SYNCRIP: variants seen among roughly 807,000 people sequenced by gnomAD.
SYNCRIP encodes heterogeneous nuclear ribonucleoprotein Q.
In SYNCRIP, 9 loss-of-function variants were observed where a neutral mutation model predicts 68.9. The ratio of observed to expected loss-of-function variants is 0.13; its 90% CI spans 0.08 to 0.23. The LOEUF (loss-of-function observed/expected upper bound fraction) is 0.23. SYNCRIP is among the 10% of genes least tolerant of loss of function. SYNCRIP has a pLI of 1.00. For missense variants in SYNCRIP, 414 were observed against 770.6 expected (o/e 0.54, Z 5.48); for synonymous variants, 258 against 254.0 (o/e 1.02, Z -0.15).
At chr6:85,617,160 G>C (rs542185167) in intron 10 of SYNCRIP, among the ~76,000 whole-genome samples, 14 of 148,552 alleles carry the variant, frequency 9.4e-5, no homozygotes, top group African/African-American at 2.7e-4. Flanking sequence ...CAGGAATACA[G>C]TGAGAATTAT....
At chr6:85,641,689 T>G (rs1416085946) in intron 1 of SYNCRIP, among the ~76,000 whole-genome samples, 1 of 151,996 alleles carries the variant, frequency 6.6e-6, no homozygotes, top group East Asian at 1.9e-4. Context: ...TAACACTCCC[T>G]AGGAAAAACC....
intron 1 of SYNCRIP, among the ~76,000 whole-genome samples, chr6:85,642,242 A>G (rs772149823): frequency 1.3e-5 from 2 of 151,632 alleles, no homozygotes; most frequent in Admixed American, 6.6e-5. Context: ...GCCGTGACAC[A>G]TGGCTCTCCG....
chr6:85,613,962 T>G, downstream of SYNCRIP: 1 of 980,668 alleles, frequency 1.0e-6, no homozygotes, highest in Non-Finnish European at 1.2e-6. Flanking sequence ...TCTAAAATAC[T>G]TACCAACTTA....
intron 8 of SYNCRIP, among the ~76,000 whole-genome samples, chr6:85,621,347 C>G (rs181551041): frequency 3.9e-5 from 6 of 152,256 alleles, no homozygotes; most frequent in Admixed American, 3.3e-4. Flanking sequence ...GGCATGGTGG[C>G]TCATGCCTGT....
intron 7 of SYNCRIP, among the ~76,000 whole-genome samples, chr6:85,623,661 C>CATCAACT (rs772979936): frequency 1.3e-4 from 19 of 148,918 alleles, no homozygotes; most frequent in Non-Finnish European, 2.8e-4. Context: ...CTACTAAGAA[C>CATCAACT]ATCAACTAAC....
chr6:85,633,355 G>C (rs938884016), intron 6 of SYNCRIP, among the ~76,000 whole-genome samples: 2 of 152,164 alleles, frequency 1.3e-5, no homozygotes, highest in East Asian at 3.9e-4. Context: ...CCAGCACTTT[G>C]GGAAGCCGAG....
At position 85,636,925 on chromosome 6, in the gene SYNCRIP, A is replaced by G. The variant is rs561939713; in HGVS notation, c.666+42T>C. On this transcript the variant is annotated intron_variant, in intron 6 of 10. Transcript: ENST00000369622. ...CTAAGAAAAAAACTTGATATTAAAG[A>G]CAGTGAACGTGAAAACTGAAGGGGA... 1.9e-6 allele frequency: 3 copies of G among 1,539,972 alleles called. No individual in the cohort carries two copies. In the South Asian group the frequency reaches 3.8e-5, roughly 19 times the overall value.
chr6:85,628,821 C>T (rs568922591), intron 6 of SYNCRIP, among the ~76,000 whole-genome samples: 3 of 152,166 alleles, frequency 2.0e-5, no homozygotes, highest in Non-Finnish European at 2.9e-5. Flanking sequence ...CAGATCCTGA[C>T]GGTCATCCAA....
At position 85,619,298 on chromosome 6, in the gene SYNCRIP, A is replaced by G. The variant is rs762933983; in HGVS notation, c.1128T>C (p.Ile376=). Residue 376 remains isoleucine (I), a synonymous_variant, in exon 9 of 11, where the codon ATT becomes ATC. Coordinates refer to ENST00000369622, the MANE Select transcript of SYNCRIP (RefSeq NM_006372.5). The part of the protein sequence containing the change: ...RVKKLKDYAF[I]HFDERDGAVK... ...CAGCACCATCTCGCTCATCAAAATG[A>G]ATGAACGCATAATCTTTTAACTTCT... 1 of 1,614,020 alleles carries G rather than the reference A, an allele frequency of 6.2e-7. No individual in the cohort carries two copies. The highest frequency in any genetic ancestry group is 8.5e-7 in the Non-Finnish European group (1 of 1,179,994).
chr6:85,613,644 A>G (rs778279163), downstream of SYNCRIP, among the ~76,000 whole-genome samples: 3 of 152,220 alleles, frequency 2.0e-5, no homozygotes, highest in Non-Finnish European at 2.9e-5. Context: ...CTTCAGATAT[A>G]TATTTGCTTA....
downstream of SYNCRIP, chr6:85,611,806 T>C (rs1805269600): frequency 6.5e-6 from 1 of 152,686 alleles, no homozygotes; most frequent in African/African-American, 2.4e-5. Context: ...TAATGAAACA[T>C]ACCTTTTACC....
intron 6 of SYNCRIP, among the ~76,000 whole-genome samples, chr6:85,629,343 T>C (rs1458521786): frequency 6.6e-6 from 1 of 152,020 alleles, no homozygotes; most frequent in Non-Finnish European, 1.5e-5. Flanking sequence ...AGAACCTGTA[T>C]ATCTGAAGTA....
chr6:85,628,402 T>C (rs1018107183), intron 6 of SYNCRIP, among the ~76,000 whole-genome samples: 16 of 152,214 alleles, frequency 1.1e-4, no homozygotes, highest in African/African-American at 3.6e-4. Context: ...AGCCAAAATC[T>C]ACTTCCTTAA....
intron 6 of SYNCRIP, among the ~76,000 whole-genome samples, chr6:85,624,355 G>A (rs950769865): frequency 3.3e-5 from 5 of 152,160 alleles, no homozygotes; most frequent in Non-Finnish European, 7.4e-5. Context: ...ATCTGCAGCA[G>A]CTTAAATTCA....
upstream of SYNCRIP, among the ~76,000 whole-genome samples, chr6:85,643,468 G>C (rs1261279798): frequency 1.3e-5 from 2 of 152,038 alleles, no homozygotes; most frequent in South Asian, 2.1e-4. Context: ...GGTGGCGGCC[G>C]AGGGGCCGAG....
In SYNCRIP at chr6:85,614,169, G is replaced by T. The variant is rs1805506048; in HGVS notation, c.*587C>A. 1.0e-6 allele frequency: 1 copy of T among 985,658 alleles called. No individual in the cohort carries two copies. Among genetic ancestry groups the T allele is most frequent in the South Asian group, 4.7e-5 (1 of 21,294 alleles). The allele number at this position is 985,658 out of a possible 1,614,324, so 61.1% of individuals were successfully genotyped here. Reference sequence around the variant, plus strand: ...CTATACAATTTGAACCAAATTTGCAGGAAATTTTGTGAAAAACGAATTGTA... The same window carrying T: ...CTATACAATTTGAACCAAATTTGCATGAAATTTTGTGAAAAACGAATTGTA... On this transcript the variant is annotated 3_prime_UTR_variant, in exon 11 of 11. Transcript: ENST00000369622.
chr6:85,624,231 C>T, intron 6 of SYNCRIP, 119 bp from the exon 7 acceptor site: 3 of 941,180 alleles, frequency 3.2e-6, no homozygotes, highest in Non-Finnish European at 3.2e-6. Context: ...AATTCCCATA[C>T]AAGGGAATTA....
In SYNCRIP at chr6:85,641,295, C is replaced by A; in HGVS notation, c.145G>T (p.Ala49Ser). ...TTTTGCAAGTGTTAGTTCTTACCTG[C>A]AACGTAAATTTCATCTAGTTTTTCA... ...VAEKLDEIYV[A>S]GLVAHSDLDE... Residue 49 changes from alanine (A) to serine (S), a missense_variant, in exon 2 of 11, where the codon GCA becomes TCA. By Grantham distance (99) the Ala-to-Ser change is moderately conservative. This residue lies in a region of SYNCRIP where 51 missense variants were observed against 63.7 expected (regional missense o/e 0.80). Transcript: ENST00000369622. 1 of 1,610,058 alleles carries A rather than the reference C, an allele frequency of 6.2e-7. No individual in the cohort carries two copies. The highest frequency in any genetic ancestry group is 8.5e-7 in the Non-Finnish European group (1 of 1,179,710).
intron 7 of SYNCRIP, among the ~76,000 whole-genome samples, chr6:85,623,312 G>C (rs185500523): frequency 3.3e-5 from 5 of 151,624 alleles, no homozygotes; most frequent in African/African-American, 9.7e-5. Context: ...ACCTGTAATC[G>C]CAACACTCTG....
Sources: gnomAD v4.1 joint callset for allele counts (sites outside exome capture counted in the v4.1 genomes callset) on GRCh38, gnomAD v4.1.1 for gene constraint, gnomAD v4.1.1 regional missense constraint, MANE v1.5 for transcripts, NCBI Gene and HGNC (gene_info 2026-07-23, HGNC 2026-07-21) for gene names.